PRR16: variants seen among roughly 807,000 people sequenced by gnomAD.
PRR16 encodes the protein proline rich 16, also known as protein Largen.
PRR16 carries 6 observed loss-of-function variants against 18.2 expected under a neutral mutation model. The ratio of observed to expected loss-of-function variants is 0.33; its 90% CI spans 0.18 to 0.65. The LOEUF is 0.65. Ranked by LOEUF, PRR16 falls within the 30% of genes least tolerant of loss-of-function variation. The pLI is 0.74. For synonymous variants in PRR16, 151 were observed against 147.8 expected, an observed-to-expected ratio of 1.02 and a Z score of -0.16; for missense variants, 412 against 376.6, an observed-to-expected ratio of 1.09 and a Z score of -0.78.
Position 120,686,818 on chromosome 5 carries a change from C to T in PRR16, c.*109C>T, listed in dbSNP as rs964391279. The stretch of plus-strand genomic sequence containing the variant: ...AAAAAGCCCAAATATATTAATCCTG[C>T]ATTCAGCAAAGTGGCATAAAAATCA... On this transcript the variant is annotated 3_prime_UTR_variant, in exon 2 of 2. Coordinates refer to ENST00000407149, the MANE Select transcript of PRR16 (RefSeq NM_001300783.2). The T allele has an allele frequency of 3.3e-6, 3 of 922,458 alleles. No homozygotes were observed. Among genetic ancestry groups the T allele is most frequent in the African/African-American group, 3.4e-5 (2 of 59,258 alleles). The allele number at this position is 922,458 out of a possible 1,614,324, so 57.1% of individuals were successfully genotyped here. A position where few individuals can be genotyped will look rare whatever the true frequency, so the allele number is the denominator to read the frequency against.
chr5:120,597,799 C>T (rs1389626692), intron 1 of PRR16, among the ~76,000 whole-genome samples: 1 of 151,870 alleles, frequency 6.6e-6, no homozygotes, highest in East Asian at 1.9e-4. Context: ...CCTTCTAAAT[C>T]TTCTAAATAT....
chr5:120,519,941 A>AT (rs199589253), intron 1 of PRR16, among the ~76,000 whole-genome samples: 3,774 of 149,868 alleles, frequency 0.025, 119 homozygotes, highest in African/African-American at 0.075. Context: ...AAGAAATCTA[A>AT]TTTTTTTTTT....
chr5:120,712,963 C>T, the PRR16 span, among the ~76,000 whole-genome samples: 10 of 151,996 alleles, frequency 6.6e-5, no homozygotes, highest in Admixed American at 1.3e-4. Context: ...CTAGCATATA[C>T]GTATATGACC....
chr5:120,755,103 A>C, the PRR16 span, among the ~76,000 whole-genome samples: 8 of 151,878 alleles, frequency 5.3e-5, no homozygotes, highest in Non-Finnish European at 8.8e-5. Flanking sequence ...TGACGAGTTA[A>C]TGGGTGCAGC....
the PRR16 span, among the ~76,000 whole-genome samples, chr5:120,749,534 C>A: frequency 6.6e-6 from 1 of 152,112 alleles, no homozygotes; most frequent in Non-Finnish European, 1.5e-5. Context: ...CTGTCAGTTA[C>A]ACATTTTCAG....
At chr5:120,495,965 C>G (rs1355695198) in intron 1 of PRR16, among the ~76,000 whole-genome samples, 1 of 151,662 alleles carries the variant, frequency 6.6e-6, no homozygotes, top group East Asian at 1.9e-4. Context: ...TGTAGATGCT[C>G]TGTGTCAACT....
intron 1 of PRR16, among the ~76,000 whole-genome samples, chr5:120,523,148 T>C (rs1751241380): frequency 1.3e-5 from 2 of 152,226 alleles, no homozygotes; most frequent in African/African-American, 4.8e-5. Flanking sequence ...TATTTGTTGC[T>C]ATCTTATAGA....
the PRR16 span, among the ~76,000 whole-genome samples, chr5:120,791,423 T>G: frequency 6.6e-6 from 1 of 152,014 alleles, no homozygotes; most frequent in African/African-American, 2.4e-5. Flanking sequence ...CAAGGGAACA[T>G]TGCTAGAAAA....
chr5:120,654,323 T>A (rs914603378), intron 1 of PRR16, among the ~76,000 whole-genome samples: 1 of 152,000 alleles, frequency 6.6e-6, no homozygotes, highest in Admixed American at 6.6e-5. Context: ...TTGAATCTAA[T>A]CCTAATTTTT....
At chr5:120,753,540 G>T in the PRR16 span, among the ~76,000 whole-genome samples, 1 of 151,620 alleles carries the variant, frequency 6.6e-6, no homozygotes, top group African/African-American at 2.4e-5. Context: ...ATCTATATCT[G>T]TGTGTTTATT....
chr5:120,524,877 T>C (rs907529893), intron 1 of PRR16, among the ~76,000 whole-genome samples: 1 of 152,104 alleles, frequency 6.6e-6, no homozygotes, highest in Admixed American at 6.5e-5. Flanking sequence ...ACATTTGAAA[T>C]GGCTGGCAAA....
At chr5:120,516,557 A>G (rs1469737244) in intron 1 of PRR16, among the ~76,000 whole-genome samples, 1 of 151,810 alleles carries the variant, frequency 6.6e-6, no homozygotes, top group Non-Finnish European at 1.5e-5. Flanking sequence ...CTATGCTTTA[A>G]AGTCATCCTG....
the PRR16 span, among the ~76,000 whole-genome samples, chr5:120,725,410 C>A: frequency 2.3e-4 from 35 of 150,756 alleles, no homozygotes; most frequent in Non-Finnish European, 4.9e-4. Flanking sequence ...AATCCCAGTG[C>A]TTTGCGAGTC....
chr5:120,670,040 T>C (rs1756544124), intron 1 of PRR16, among the ~76,000 whole-genome samples: 2 of 152,134 alleles, frequency 1.3e-5, no homozygotes, highest in South Asian at 4.1e-4. Flanking sequence ...AAATATGTAA[T>C]GTCTTTGATG....
At chr5:120,701,911 C>T in the PRR16 span, among the ~76,000 whole-genome samples, 14 of 152,170 alleles carry the variant, frequency 9.2e-5, no homozygotes, top group South Asian at 1.7e-3. Flanking sequence ...CATTTTCTGG[C>T]TATTTGGAAC....
chr5:120,531,962 A>C (rs1449960803), intron 1 of PRR16, among the ~76,000 whole-genome samples: 1 of 152,204 alleles, frequency 6.6e-6, no homozygotes, highest in Non-Finnish European at 1.5e-5. Flanking sequence ...GTTAATAGTT[A>C]ATTAGAGAGC....
At chr5:120,670,874 G>A (rs550088936) in intron 1 of PRR16, among the ~76,000 whole-genome samples, 1 of 152,190 alleles carries the variant, frequency 6.6e-6, no homozygotes, top group East Asian at 1.9e-4. Context: ...TGTAATTTCC[G>A]TAGATTTGCT....
At chr5:120,646,258 C>G (rs934420462) in intron 1 of PRR16, among the ~76,000 whole-genome samples, 7 of 151,624 alleles carry the variant, frequency 4.6e-5, no homozygotes, top group African/African-American at 1.7e-4. Flanking sequence ...TCTATCATAT[C>G]TATCATACCA....
chr5:120,753,105 TGA>T, the PRR16 span, among the ~76,000 whole-genome samples: 20 of 151,980 alleles, frequency 1.3e-4, no homozygotes, highest in Non-Finnish European at 2.8e-4. Context: ...AGCAGAGCAA[TGA>T]GTGAGCATTT....
Sources: allele counts gnomAD v4.1 joint callset (sites outside exome capture counted in the v4.1 genomes callset), GRCh38; gene constraint gnomAD v4.1.1; transcripts MANE v1.5; gene names NCBI Gene and HGNC (gene_info 2026-07-23, HGNC 2026-07-21).